Variants in ANK2 observed in about 807,000 individuals in gnomAD.
ANK2 encodes the protein ankyrin 2, also known as ankyrin-2.
ANK2 carries 83 observed loss-of-function variants against 360.5 expected under a neutral mutation model. The ratio of observed to expected loss-of-function variants is 0.23; its 90% CI spans 0.19 to 0.28. The LOEUF is 0.28. Ranked by LOEUF, ANK2 falls within the 10% of genes least tolerant of loss-of-function variation. The probability of loss-of-function intolerance (pLI) is 1.00; values close to 1 mark genes in which losing one functional copy is unlikely to be tolerated. For missense variants in ANK2, 4,201 were observed against 4,795.7 expected (o/e 0.88, Z 3.66); for synonymous variants, 1,740 against 1,759.5 (o/e 0.99, Z 0.28).
intron 1 of ANK2, among the ~76,000 whole-genome samples, chr4:113,087,662 A>G (rs1250867201): frequency 6.6e-6 from 1 of 152,018 alleles, no homozygotes; most frequent in Non-Finnish European, 1.5e-5. Context: ...TGAGGAAGGA[A>G]TCAAGACCTT....
At chr4:113,350,188 A>G (rs1361322047) in intron 36 of ANK2, 40 bp from the exon 37 acceptor site, 18 of 1,592,330 alleles carry the variant, frequency 1.1e-5, no homozygotes, top group Non-Finnish European at 1.5e-5. Context: ...GAGCCAAGGC[A>G]GTATTTGTAA....
chr4:112,814,178 A>G (rs776850831), upstream of ANK2, among the ~76,000 whole-genome samples: 9 of 152,220 alleles, frequency 5.9e-5, no homozygotes, highest in Non-Finnish European at 8.8e-5. Context: ...AAACACTATT[A>G]CTTTGAAATA....
chr4:113,022,909 A>G (rs1292438132), intron 2 of ANK2, among the ~76,000 whole-genome samples: 1 of 152,206 alleles, frequency 6.6e-6, no homozygotes, highest in Non-Finnish European at 1.5e-5. Context: ...TTTTACAAAA[A>G]TATTAAATGT....
the ANK2 span, among the ~76,000 whole-genome samples, chr4:112,802,554 T>A: frequency 6.6e-6 from 1 of 152,154 alleles, no homozygotes; most frequent in Non-Finnish European, 1.5e-5. Flanking sequence ...CTCTGGGAAG[T>A]GGGATTAGGT....
At chr4:113,012,584 A>G (rs1207037037) in intron 2 of ANK2, among the ~76,000 whole-genome samples, 1 of 152,182 alleles carries the variant, frequency 6.6e-6, no homozygotes, top group Non-Finnish European at 1.5e-5. Context: ...AAAGCTTTAG[A>G]GTCAAAATGT....
At chr4:112,888,353 G>A (rs1180208776) in intron 1 of ANK2, among the ~76,000 whole-genome samples, 1 of 152,088 alleles carries the variant, frequency 6.6e-6, no homozygotes, top group Non-Finnish European at 1.5e-5. Context: ...AAAGTGAGCT[G>A]TTCACAAAGT....
intron 22 of ANK2, among the ~76,000 whole-genome samples, chr4:113,297,596 C>G (rs1401190367): frequency 6.6e-6 from 1 of 151,988 alleles, no homozygotes; most frequent in East Asian, 1.9e-4. Context: ...AATGGCAATA[C>G]AATAAATACT....
chr4:112,769,212 A>C, the ANK2 span, among the ~76,000 whole-genome samples: 1 of 152,130 alleles, frequency 6.6e-6, no homozygotes, highest in African/African-American at 2.4e-5. Flanking sequence ...TTTTTCAAGC[A>C]ATCTTGTGGA....
intron 1 of ANK2, among the ~76,000 whole-genome samples, chr4:113,113,929 CTAGTTATAAAGAGGCAAAGT>C (rs2094527876): frequency 6.6e-6 from 1 of 152,072 alleles, no homozygotes; most frequent in African/African-American, 2.4e-5. Context: ...ACTGAATAAG[CTAGTTATAAAGAGGCAAAGT>C]TACCACTCTG....
At chr4:112,728,740 A>T in the ANK2 span, among the ~76,000 whole-genome samples, 1 of 152,166 alleles carries the variant, frequency 6.6e-6, no homozygotes, top group Non-Finnish European at 1.5e-5. Context: ...GTGTCTCCAA[A>T]AAATAAATAA....
the ANK2 span, among the ~76,000 whole-genome samples, chr4:112,733,034 TG>T: frequency 2.6e-5 from 4 of 152,036 alleles, no homozygotes. Flanking sequence ...CTGGCCAAGA[TG>T]GTGAAACCCC....
chr4:113,016,501 A>T (rs902728437), intron 2 of ANK2, among the ~76,000 whole-genome samples: 1 of 152,136 alleles, frequency 6.6e-6, no homozygotes, highest in Non-Finnish European at 1.5e-5. Context: ...TCTCTGCTCC[A>T]GGGATGCTCT....
At chr4:113,137,980 C>T (rs750058524) in intron 1 of ANK2, among the ~76,000 whole-genome samples, 1 of 152,040 alleles carries the variant, frequency 6.6e-6, no homozygotes, top group African/African-American at 2.4e-5. Flanking sequence ...TTTTTGATTG[C>T]TTATAAAGTG....
chr4:112,830,417 T>A (rs891462739), intron 1 of ANK2, among the ~76,000 whole-genome samples: 14 of 152,220 alleles, frequency 9.2e-5, no homozygotes, highest in African/African-American at 3.4e-4. Flanking sequence ...AAATACCAGA[T>A]GTTCTCATTT....
At chr4:112,822,258 A>C (rs112450465) in intron 1 of ANK2, among the ~76,000 whole-genome samples, 41 of 138,470 alleles carry the variant, frequency 3.0e-4, no homozygotes, top group African/African-American at 8.3e-4. Flanking sequence ...AAAAAAAAAA[A>C]AAAACAAAAA....
At chr4:113,150,310 A>T (rs1583105635) in intron 1 of ANK2, among the ~76,000 whole-genome samples, 1 of 151,900 alleles carries the variant, frequency 6.6e-6, no homozygotes, top group African/African-American at 2.4e-5. Context: ...TAATGCTTGG[A>T]CTCTCAAGGG....
the ANK2 span, among the ~76,000 whole-genome samples, chr4:112,759,867 A>G: frequency 1.2e-4 from 19 of 152,152 alleles, no homozygotes; most frequent in Non-Finnish European, 2.4e-4. Flanking sequence ...AACTGATTCC[A>G]TAGCTGTAAT....
intron 13 of ANK2, among the ~76,000 whole-genome samples, chr4:113,259,466 A>T (rs1286190047): frequency 3.3e-5 from 5 of 151,998 alleles, no homozygotes; most frequent in Admixed American, 3.3e-4. Context: ...TTTTTTCTGT[A>T]TTTCACACAC....
At chr4:113,327,318 T>C (rs1194948419) in intron 26 of ANK2, among the ~76,000 whole-genome samples, 2 of 152,346 alleles carry the variant, frequency 1.3e-5, no homozygotes, top group Non-Finnish European at 2.9e-5. Context: ...ATGTATTAGG[T>C]CTCTCTATAT....
Sources: gnomAD v4.1 joint callset for allele counts (sites outside exome capture counted in the v4.1 genomes callset) on GRCh38, gnomAD v4.1.1 for gene constraint, MANE v1.5 for transcripts, NCBI Gene and HGNC (gene_info 2026-07-23, HGNC 2026-07-21) for gene names.